Variants in TOP1 observed in about 807,000 individuals in gnomAD.
TOP1 encodes DNA topoisomerase 1.
A neutral mutation model predicts 111.1 loss-of-function variants in TOP1; 10 were observed. The observed-to-expected ratio is 0.09, with a 90% CI of 0.06 to 0.15. The LOEUF is 0.15. Ranked by LOEUF, TOP1 falls within the 10% of genes least tolerant of loss-of-function variation. The probability of loss-of-function intolerance (pLI) is 1.00; values close to 1 mark genes in which losing one functional copy is unlikely to be tolerated. For synonymous variants in TOP1, 271 were observed against 302.9 expected, an observed-to-expected ratio of 0.89 and a Z score of 1.10; for missense variants, 474 against 926.7, an observed-to-expected ratio of 0.51 and a Z score of 6.34.
At position 41,069,207 on chromosome 20, in the gene TOP1, TCA is replaced by T. The variant is rs1262676071; in HGVS notation, c.156-6963_156-6962del. 6.6e-6 allele frequency among the ~76,000 whole-genome samples: 1 copy of T among 152,214 alleles called. No individual in the cohort carries two copies. Among genetic ancestry groups the T allele is most frequent in the Non-Finnish European group, 1.5e-5 (1 of 68,036 alleles). Reference sequence around the variant, plus strand: ...TGCACTTGAATTACGCATCTAGTTCTCAGATTAGGGGAGATTTTTCTGAAATT... The same window carrying T: ...TGCACTTGAATTACGCATCTAGTTCTGATTAGGGGAGATTTTTCTGAAATT... On this transcript the variant is annotated intron_variant, in intron 3 of 20. Transcript: ENST00000361337. The surrounding 1 kb of genome is among the most constrained non-coding windows in gnomAD (Gnocchi z 4.1).
At chr20:41,085,719 A>T (rs1441340134) in intron 8 of TOP1, among the ~76,000 whole-genome samples, 2 of 152,194 alleles carry the variant, frequency 1.3e-5, no homozygotes, top group African/African-American at 2.4e-5. Flanking sequence ...TAGCCTTCCA[A>T]ACCTGTTTAT....
rs541412830 is a variant in TOP1, at chr20:41,113,070, A to G, written c.1452+145A>G. The G allele has an allele frequency of 4.8e-5, 40 of 833,494 alleles. 1 individual carries two copies. In the South Asian group the frequency reaches 7.5e-4, roughly 16 times the overall value. 51.6% of individuals were successfully genotyped at this position (833,494 alleles called of 1,614,324 possible). ...GTAAAACTGAATCAAAAGTTGCACAAAACAATGCTTAGCCTTACTGTGAGC... is the reference window on the plus strand; with the variant it reads ...GTAAAACTGAATCAAAAGTTGCACAGAACAATGCTTAGCCTTACTGTGAGC... On this transcript the variant is annotated intron_variant, in intron 14 of 20. Coordinates refer to ENST00000361337, the MANE Select transcript of TOP1 (RefSeq NM_003286.4).
chr20:41,053,945 A>G (rs1469632623), intron 2 of TOP1, among the ~76,000 whole-genome samples: 1 of 152,100 alleles, frequency 6.6e-6, no homozygotes, highest in Non-Finnish European at 1.5e-5. Flanking sequence ...GATTTTGCCA[A>G]ATTCTTCCTT....
Position 41,078,952 on chromosome 20 carries a change from C to T in TOP1, c.336-1133C>T, listed in dbSNP as rs1031319626. Among the ~76,000 whole-genome samples, 2 of 152,156 alleles carry T rather than the reference C, an allele frequency of 1.3e-5. No individual in the cohort carries two copies. Among genetic ancestry groups the T allele is most frequent in the Admixed American group, 6.5e-5 (1 of 15,282 alleles). ...CCCACAGTTTTTGTCTTCAGTGTGA[C>T]AAACTTAGGATCTAGCATTTACTTA... On this transcript the variant is annotated intron_variant, in intron 5 of 20. Transcript: ENST00000361337. The surrounding 1 kb of genome is among the most constrained non-coding windows in gnomAD (Gnocchi z 5.3).
In TOP1 at chr20:41,122,085, G is replaced by A. The variant is rs749390814; in HGVS notation, c.2125G>A (p.Glu709Lys). The A allele has an allele frequency of 1.2e-6, 2 of 1,614,180 alleles. No homozygotes were observed. The highest frequency in any genetic ancestry group is 2.2e-5 in the South Asian group (2 of 91,086). The change falls in exon 20 of 21, where the codon GAG becomes AAG. Residue 709 changes from glutamate to lysine, a missense_variant. Around this residue, in one of 14 missense-constraint regions of TOP1, gnomAD observed 26 missense variants for 81.8 expected, o/e 0.32. Transcript: ENST00000361337. The surrounding 1 kb of genome is among the most constrained non-coding windows in gnomAD (Gnocchi z 5.4). ...GCTGGAAGTTCAAGCCACAGACCGAGAGGAAAATAAACAGATTGCCCTGGG... is the reference window on the plus strand; with the variant it reads ...GCTGGAAGTTCAAGCCACAGACCGAAAGGAAAATAAACAGATTGCCCTGGG... ...MKLEVQATDR[E>K]ENKQIALGTS... is the part of the protein sequence containing the mutation.
At position 41,115,087 on chromosome 20, in the gene TOP1, T is replaced by C. The variant is rs1333500361; in HGVS notation, c.1639-284T>C. ...ACTTTAGGACCATATTATAAGTAAGTACTTATAAATGTACTTTAGGACCAT... is the reference window on the plus strand; with the variant it reads ...ACTTTAGGACCATATTATAAGTAAGCACTTATAAATGTACTTTAGGACCAT... On this transcript the variant is annotated intron_variant, in intron 15 of 20. Transcript: ENST00000361337. The surrounding 1 kb of genome is among the most constrained non-coding windows in gnomAD (Gnocchi z 6.3). Among the ~76,000 whole-genome samples, 1 of 152,236 alleles carries C rather than the reference T, an allele frequency of 6.6e-6. No homozygotes were observed. The highest frequency in any genetic ancestry group is 2.4e-5 in the African/African-American group (1 of 41,464).
Position 41,101,805 on chromosome 20 carries a change from T to G in TOP1, c.1308+452T>G, listed in dbSNP as rs919632362. Among the ~76,000 whole-genome samples, 1 of 152,244 alleles carries G rather than the reference T, an allele frequency of 6.6e-6. No homozygotes were observed. Among genetic ancestry groups the G allele is most frequent in the Non-Finnish European group, 1.5e-5 (1 of 68,030 alleles). On this transcript the variant is annotated intron_variant, in intron 13 of 20. Transcript: ENST00000361337. This position sits in a 1 kb window ranked among gnomAD's most constrained non-coding sequence, Gnocchi z 4.1. ...TCCTGAAACAAGTTGTAAAATCTAA[T>G]GTCTTACATACTTCTGGCTTCCTGC...
At chr20:41,040,061 G>A (rs2033241830) in intron 2 of TOP1, among the ~76,000 whole-genome samples, 1 of 152,170 alleles carries the variant, frequency 6.6e-6, no homozygotes, top group South Asian at 2.1e-4. Flanking sequence ...TTGAAATAAA[G>A]TATTTAAAAT....
rs1415755914 is a variant in TOP1, at chr20:41,106,236, G to A, written c.1308+4883G>A. ...TGTCTGTCCTCTTTAATTAGTTCGT[G>A]TATCTGTTTCTGCATCAGTAGCATA... On this transcript the variant is annotated intron_variant, in intron 13 of 20. Transcript: ENST00000361337. This position sits in a 1 kb window ranked among gnomAD's most constrained non-coding sequence, Gnocchi z 4.3. Among the ~76,000 whole-genome samples the A allele has an allele frequency of 6.6e-6, 1 of 152,120 alleles. No individual in the cohort carries two copies. Among genetic ancestry groups the A allele is most frequent in the Non-Finnish European group, 1.5e-5 (1 of 68,024 alleles).
chr20:41,038,478 C>T (rs755674195), intron 2 of TOP1, among the ~76,000 whole-genome samples: 9 of 152,172 alleles, frequency 5.9e-5, no homozygotes, highest in Non-Finnish European at 1.3e-4. Flanking sequence ...TCTTTACTTT[C>T]TTTAAATTTG....
chr20:41,104,196 T>C (rs1384682026), intron 13 of TOP1, among the ~76,000 whole-genome samples: 1 of 152,172 alleles, frequency 6.6e-6, no homozygotes, highest in Admixed American at 6.5e-5. Flanking sequence ...TTAGGGCCTT[T>C]AAGTTTAAAA....
rs1318329888 is a variant in TOP1, at chr20:41,081,228, A to G, written c.495A>G (p.Leu165=). ...CCAAGAAGGAGAAGAAAAGAAAACT[A>G]GAAGAAGAAGAGGTTAGTAAAGAGA... is the stretch of plus-strand genomic sequence containing the variant. ...EDTKKEKKRK[L]EEEEDGKLKK... The change falls in exon 7 of 21, where the codon CTA becomes CTG. Residue 165 remains leucine, a synonymous_variant. Transcript: ENST00000361337. 2 of 1,604,608 alleles carry G rather than the reference A, an allele frequency of 1.2e-6. No individual in the cohort carries two copies. Among genetic ancestry groups the G allele is most frequent in the African/African-American group, 1.3e-5 (1 of 74,426 alleles).
In TOP1 at chr20:41,092,110, CAAACAATGT is replaced by C. The variant is rs2033927681; in HGVS notation, c.615-354_615-346del. On this transcript the variant is annotated intron_variant, in intron 8 of 20. Coordinates refer to ENST00000361337, the MANE Select transcript of TOP1 (RefSeq NM_003286.4). This position sits in a 1 kb window ranked among gnomAD's most constrained non-coding sequence, Gnocchi z 4.3. The stretch of plus-strand genomic sequence containing the variant: ...CCACTCTGAGGAGGCCTTTTCCTTA[CAAACAATGT>C]AAACAATCCCTCTGTCATGTATGCC... Among the ~76,000 whole-genome samples the C allele has an allele frequency of 6.6e-6, 1 of 152,182 alleles. No homozygotes were observed. The highest frequency in any genetic ancestry group is 1.5e-5 in the Non-Finnish European group (1 of 68,026).
chr20:41,088,715 A>G (rs1874124087), intron 8 of TOP1, among the ~76,000 whole-genome samples: 1 of 152,096 alleles, frequency 6.6e-6, no homozygotes, highest in African/African-American at 2.4e-5. Flanking sequence ...GGTTTCCTGC[A>G]TTGAGATCCT....
chr20:41,059,820 T>C (rs117273650), intron 2 of TOP1, among the ~76,000 whole-genome samples: 2,244 of 152,224 alleles, frequency 0.015, 22 homozygotes, highest in South Asian at 0.042. Flanking sequence ...TAATCCAGAA[T>C]GTATAAAGAG....
chr20:41,065,836 G>A (rs1177071464), intron 3 of TOP1, among the ~76,000 whole-genome samples: 5 of 151,984 alleles, frequency 3.3e-5, no homozygotes, highest in Non-Finnish European at 7.4e-5. Flanking sequence ...TCCACCCTTT[G>A]GCTACAAATA....
At position 41,101,065 on chromosome 20, in the gene TOP1, C is replaced by T; in HGVS notation, c.1164-144C>T. The T allele has an allele frequency of 1.4e-6, 1 of 712,172 alleles. No homozygotes were observed. Among genetic ancestry groups the T allele is most frequent in the Non-Finnish European group, 2.3e-6 (1 of 433,768 alleles). 44.1% of individuals were successfully genotyped at this position (712,172 alleles called of 1,614,324 possible). A position where few individuals can be genotyped will look rare whatever the true frequency, so the allele number is the denominator to read the frequency against. On this transcript the variant is annotated intron_variant, in intron 12 of 20. Coordinates refer to ENST00000361337, the MANE Select transcript of TOP1 (RefSeq NM_003286.4). The surrounding 1 kb of genome is among the most constrained non-coding windows in gnomAD (Gnocchi z 4.1). ...ACAGTTGGCTGAGGGTAAGTAAAAC[C>T]ATGCATAAGGTGGGACTACTGTATT...
Position 41,061,587 on chromosome 20 carries a change from G to A in TOP1, c.155+97G>A. ...GGTCTTAACTTGAGCTACATGTAAA[G>A]ATAGCAAAGTAAGTAGAAACTGTAT... On this transcript the variant is annotated intron_variant, in intron 3 of 20. Coordinates refer to ENST00000361337, the MANE Select transcript of TOP1 (RefSeq NM_003286.4). The surrounding 1 kb of genome is among the most constrained non-coding windows in gnomAD (Gnocchi z 4.6). The A allele has an allele frequency of 1.9e-6, 2 of 1,034,768 alleles. No homozygotes were observed. The highest frequency in any genetic ancestry group is 2.8e-6 in the Non-Finnish European group (2 of 703,414). The allele number at this position is 1,034,768 out of a possible 1,614,324, so 64.1% of individuals were successfully genotyped here.
At chr20:41,068,371 C>G (rs2033631681) in intron 3 of TOP1, among the ~76,000 whole-genome samples, 1 of 152,174 alleles carries the variant, frequency 6.6e-6, no homozygotes, top group Non-Finnish European at 1.5e-5. Flanking sequence ...CTTGACACTG[C>G]TTCTTTCTGT....
Sources: allele counts gnomAD v4.1 joint callset (sites outside exome capture counted in the v4.1 genomes callset), GRCh38; gene constraint gnomAD v4.1.1; regional missense constraint gnomAD v4.1.1; non-coding constraint Gnocchi (gnomAD v3.1); transcripts MANE v1.5; gene names NCBI Gene and HGNC (gene_info 2026-07-23, HGNC 2026-07-21).